The following WDPCP variants were observed in gnomAD, a reference collection of about 807,000 sequenced individuals.
WDPCP encodes the protein WD repeat-containing and planar cell polarity effector protein fritz homolog.
WDPCP carries 71 observed loss-of-function variants against 93.1 expected under a neutral mutation model. The observed-to-expected ratio is 0.76, with a 90% CI of 0.63 to 0.93. The LOEUF (loss-of-function observed/expected upper bound fraction) is 0.93, where lower values mean the gene tolerates loss of function less well. Among genes scored for constraint, WDPCP ranks in the 40% least tolerant of loss-of-function variants. The pLI is 0.00. For synonymous variants in WDPCP, 315 were observed against 315.0 expected (o/e 1.00, Z 0.00); for missense variants, 844 against 887.4 (o/e 0.95, Z 0.62).
At chr2:63,228,656 C>G (rs1328240061) in intron 14 of WDPCP, 2 of 151,042 alleles carry the variant, frequency 1.3e-5, no homozygotes, top group African/African-American at 4.9e-5. Flanking sequence ...TTGTTCCATT[C>G]CCACCTATGA....
intron 2 of WDPCP, among the ~76,000 whole-genome samples, chr2:63,718,593 T>C (rs1210973494): frequency 6.6e-6 from 1 of 152,228 alleles, no homozygotes; most frequent in Non-Finnish European, 1.5e-5. Context: ...CACTTTTTAA[T>C]GGGGTTGTTT....
chr2:63,761,559 G>T (rs781157404), intron 2 of WDPCP, among the ~76,000 whole-genome samples: 1 of 151,918 alleles, frequency 6.6e-6, no homozygotes, highest in Non-Finnish European at 1.5e-5. Context: ...AGCAAGGAGA[G>T]CCAGTCCAAG....
chr2:63,601,066 G>A (rs1431725990), intron 3 of WDPCP, among the ~76,000 whole-genome samples: 1 of 152,196 alleles, frequency 6.6e-6, no homozygotes, highest in East Asian at 1.9e-4. Context: ...AAGTCTGAAT[G>A]AGCAAAGAGG....
chr2:63,574,911 G>T (rs1707804956), intron 1 of WDPCP, among the ~76,000 whole-genome samples: 1 of 152,078 alleles, frequency 6.6e-6, no homozygotes, highest in South Asian at 2.1e-4. Context: ...TGCCAGTTTT[G>T]CATTCAATAC....
intron 10 of WDPCP, among the ~76,000 whole-genome samples, chr2:63,390,877 C>G (rs1001363313): frequency 2.6e-5 from 4 of 152,148 alleles, no homozygotes; most frequent in Admixed American, 2.6e-4. Flanking sequence ...ATAACAGGCT[C>G]TGAAGTTGAG....
intron 1 of WDPCP, among the ~76,000 whole-genome samples, chr2:63,820,328 A>G (rs1398076249): frequency 6.6e-6 from 1 of 152,152 alleles, no homozygotes; most frequent in East Asian, 1.9e-4. Context: ...GAGGAATTTT[A>G]TAAAACAGAC....
chr2:63,283,360 A>G (rs543958650), intron 13 of WDPCP, among the ~76,000 whole-genome samples: 24 of 152,304 alleles, frequency 1.6e-4, no homozygotes, highest in Non-Finnish European at 1.8e-4. Context: ...ATGCTTTTAT[A>G]ATTTTACAAG....
intron 9 of WDPCP, among the ~76,000 whole-genome samples, chr2:63,407,300 AG>A (rs1694665576): frequency 6.6e-6 from 1 of 152,178 alleles, no homozygotes; most frequent in Admixed American, 6.5e-5. Flanking sequence ...TAGCTAGAGA[AG>A]GGGAAGCAAG....
chr2:63,763,512 A>G (rs1466906488), intron 2 of WDPCP, among the ~76,000 whole-genome samples: 1 of 152,082 alleles, frequency 6.6e-6, no homozygotes, highest in Non-Finnish European at 1.5e-5. Context: ...AAAAAAAAAA[A>G]AAAAAAAAAT....
intron 14 of WDPCP, among the ~76,000 whole-genome samples, chr2:63,234,835 T>C (rs898962913): frequency 6.6e-6 from 1 of 152,190 alleles, no homozygotes; most frequent in Admixed American, 6.6e-5. Flanking sequence ...AATTCACTTC[T>C]AACAGAAATG....
At chr2:63,189,819 T>C (rs1448915015) in intron 14 of WDPCP, among the ~76,000 whole-genome samples, 1 of 152,210 alleles carries the variant, frequency 6.6e-6, no homozygotes. Context: ...TAGGTCCTTC[T>C]ATTAACATAC....
chr2:63,435,362 T>C (rs576814697), intron 8 of WDPCP, among the ~76,000 whole-genome samples: 1 of 152,292 alleles, frequency 6.6e-6, no homozygotes, highest in South Asian at 2.1e-4. Flanking sequence ...AAAATCCAAA[T>C]GGGCAATGAC....
At chr2:63,653,981 GT>G (rs1398298226) in intron 2 of WDPCP, among the ~76,000 whole-genome samples, 1 of 150,856 alleles carries the variant, frequency 6.6e-6, no homozygotes, top group Non-Finnish European at 1.5e-5. Context: ...AGAAAAATCA[GT>G]TGATAGAAAC....
chr2:63,395,116 A>G (rs1314623356), intron 10 of WDPCP, among the ~76,000 whole-genome samples: 1 of 152,176 alleles, frequency 6.6e-6, no homozygotes, highest in African/African-American at 2.4e-5. Flanking sequence ...ATACATACTA[A>G]CGTTGAAGAT....
chr2:63,802,281 T>TAAAAAAAAAAAAAA lies in WDPCP; in HGVS notation n.308+11327_308+11340dup, dbSNP rs58717654. 1.5e-4 allele frequency among the ~76,000 whole-genome samples: 8 copies of TAAAAAAAAAAAAAA among 54,406 alleles called. 1 individual carries two copies. Among genetic ancestry groups the TAAAAAAAAAAAAAA allele is most frequent in the Non-Finnish European group, 1.7e-4 (5 of 28,784 alleles). The allele number at this position is 54,406 out of a possible 152,430, so 35.7% of individuals were successfully genotyped here. ...GGCAACATTATGATACCCTCTCTCT[T>TAAAAAAAAAAAAAA]AAAAAAAAAAAAAAAAAAAAAAAAA... On this transcript the variant is annotated intron_variant and non_coding_transcript_variant, in intron 2 of 4. Transcript: ENST00000467687.
At chr2:63,363,074 A>G (rs549516448) in intron 12 of WDPCP, among the ~76,000 whole-genome samples, 25 of 152,212 alleles carry the variant, frequency 1.6e-4, no homozygotes, top group African/African-American at 4.8e-4. Flanking sequence ...TTTTTTTAAT[A>G]TGGACAAAAT....
chr2:63,540,293 C>A (rs1704610518), intron 1 of WDPCP, among the ~76,000 whole-genome samples: 1 of 152,076 alleles, frequency 6.6e-6, no homozygotes, highest in Non-Finnish European at 1.5e-5. Flanking sequence ...ACAATTAGTG[C>A]AAACACAATT....
upstream of WDPCP, among the ~76,000 whole-genome samples, chr2:63,828,681 G>GT (rs1168661138): frequency 1.3e-5 from 2 of 152,100 alleles, no homozygotes; most frequent in Non-Finnish European, 2.9e-5. Flanking sequence ...CATCAAGGTT[G>GT]TATTCAAGAT....
At chr2:63,395,789 G>A (rs1320322209) in intron 10 of WDPCP, among the ~76,000 whole-genome samples, 2 of 152,034 alleles carry the variant, frequency 1.3e-5, no homozygotes, top group Non-Finnish European at 2.9e-5. Flanking sequence ...GTGCAATGGC[G>A]CGATTTCGGC....
Sources: allele counts gnomAD v4.1 joint callset (sites outside exome capture counted in the v4.1 genomes callset), GRCh38; gene constraint gnomAD v4.1.1; transcripts MANE v1.5; gene names NCBI Gene and HGNC (gene_info 2026-07-23, HGNC 2026-07-21).